The following CTNS variants were observed in gnomAD, a reference collection of about 807,000 sequenced individuals.
CTNS encodes cystinosin.
Under a neutral mutation model 43.7 loss-of-function variants are expected in CTNS, and 27 were observed. That is an observed-to-expected ratio of 0.62 (90% CI 0.46 to 0.85). The LOEUF is 0.85. CTNS is among the 40% of genes least tolerant of loss of function. The pLI, the probability that CTNS is intolerant of heterozygous loss-of-function variation, is 0.00. For missense variants in CTNS, 457 were observed against 475.4 expected (o/e 0.96, Z 0.36); for synonymous variants, 187 against 190.6 (o/e 0.98, Z 0.16).
At position 3,657,959 on chromosome 17, in the gene CTNS, G is replaced by A. The variant is rs367918712; in HGVS notation, c.682-46G>A. 239 of 1,600,234 alleles carry A rather than the reference G, an allele frequency of 1.5e-4. 1 individual carries two copies. Among genetic ancestry groups the A allele is most frequent in the Middle Eastern group, 2.3e-4 (1 of 4,430 alleles). Reference sequence around the variant, plus strand: ...GGGGCCGTCCTTGCTCAGCCCCGGCGTGGCCTCTGTGTGGGTCCACATCTC... The same window carrying A: ...GGGGCCGTCCTTGCTCAGCCCCGGCATGGCCTCTGTGTGGGTCCACATCTC... On this transcript the variant is annotated intron_variant, in intron 9 of 11. Transcript: ENST00000046640.
In CTNS at chr17:3,660,451, T is replaced by A; in HGVS notation, c.*82T>A. ...CACCCAGCGAAGGCCGGAGAAGCGG[T>A]TGGGCCCTGGCACACAGGGCTGGCT... On this transcript the variant is annotated 3_prime_UTR_variant, in exon 12 of 12. Transcript: ENST00000046640. 1 of 1,613,442 alleles carries A rather than the reference T, an allele frequency of 6.2e-7. No homozygotes were observed. Among genetic ancestry groups the A allele is most frequent in the Non-Finnish European group, 8.5e-7 (1 of 1,180,022 alleles).
intron 5 of CTNS, among the ~76,000 whole-genome samples, chr17:3,650,882 A>C (rs2075964893): frequency 6.6e-6 from 1 of 152,124 alleles, no homozygotes; most frequent in African/African-American, 2.4e-5. Context: ...AGCTCCCTGC[A>C]ACCTCTGCCT....
chr17:3,651,983 G>GAA (rs56804333), intron 5 of CTNS, among the ~76,000 whole-genome samples: 1 of 141,282 alleles, frequency 7.1e-6, no homozygotes, highest in Non-Finnish European at 1.5e-5. Flanking sequence ...CAAAAAAAAA[G>GAA]AAAAGAAAAG....
chr17:3,659,141 A>G (rs2076225799), intron 10 of CTNS, among the ~76,000 whole-genome samples: 1 of 152,080 alleles, frequency 6.6e-6, no homozygotes, highest in African/African-American at 2.4e-5. Context: ...ACAGACAGGG[A>G]CTGACTAGAG....
intron 2 of CTNS, 146 bp from the exon 3 acceptor site, chr17:3,640,040 CTG>C: frequency 2.8e-6 from 2 of 710,712 alleles, no homozygotes; most frequent in South Asian, 3.0e-5. Flanking sequence ...GGGTGTCCCT[CTG>C]AGGCCGTGAT....
At chr17:3,637,700 CAG>C (rs1389160367) in intron 2 of CTNS, among the ~76,000 whole-genome samples, 1 of 152,188 alleles carries the variant, frequency 6.6e-6, no homozygotes, top group Non-Finnish European at 1.5e-5. Context: ...CTCCTGACCT[CAG>C]GTGATGCGCT....
At chr17:3,644,837 G>A (rs891412141) in intron 3 of CTNS, among the ~76,000 whole-genome samples, 2 of 152,096 alleles carry the variant, frequency 1.3e-5, no homozygotes, top group African/African-American at 4.8e-5. Context: ...CTGACCTCAG[G>A]TGATCCACCT....
rs149689304 is a variant in CTNS, at chr17:3,655,223, C to G, written c.332C>G (p.Pro111Arg). ...LHGNHSNQTGPRIRFLVIRSS... is the reference protein window; with the variant it reads ...LHGNHSNQTGRRIRFLVIRSS... ...CCGGTCCCCAAACTCCTTTCCAGCC[C>G]GAGGATACGCTTTCTTGTGATCCGC... Residue 111 changes from proline (P) to arginine (R), a missense_variant and splice_region_variant, in exon 7 of 12, where the codon CCG (proline) becomes CGG (arginine). Pro to Arg is a moderately radical substitution (Grantham distance 103). Coordinates refer to ENST00000046640, the MANE Select transcript of CTNS (RefSeq NM_004937.3). 9.3e-6 allele frequency: 15 copies of G among 1,614,162 alleles called. No homozygotes were observed. Among genetic ancestry groups the G allele is most frequent in the Non-Finnish European group, 1.3e-5 (15 of 1,180,032 alleles).
chr17:3,649,008 C>A, intron 5 of CTNS, 77 bp downstream of exon 5: 1 of 1,268,912 alleles, frequency 7.9e-7, no homozygotes, highest in Non-Finnish European at 1.2e-6. Context: ...CTGGTGGAAA[C>A]AGGTCTCCTA....
At position 3,660,495 on chromosome 17, in the gene CTNS, GACC is replaced by G; in HGVS notation, c.*129_*131del. 1 of 1,612,524 alleles carries G rather than the reference GACC, an allele frequency of 6.2e-7. No homozygotes were observed. Among genetic ancestry groups the G allele is most frequent in the Non-Finnish European group, 8.5e-7 (1 of 1,179,946 alleles). On this transcript the variant is annotated 3_prime_UTR_variant, in exon 12 of 12. Transcript: ENST00000046640. ...GCTGGCTCAGTGTGCGGACAGAGGA[GACC>G]ACTCTGCTCCTGGGGCCAGAGGCCA...
At chr17:3,643,186 C>A (rs930158921) in intron 3 of CTNS, among the ~76,000 whole-genome samples, 1 of 151,832 alleles carries the variant, frequency 6.6e-6, no homozygotes, top group African/African-American at 2.4e-5. Context: ...TGGTGGCGGG[C>A]GCCTATAGTC....
Position 3,662,041 on chromosome 17 carries a change from T to C in CTNS, c.*1672T>C, listed in dbSNP as rs934801298. Among the ~76,000 whole-genome samples the C allele has an allele frequency of 1.5e-4, 23 of 152,204 alleles. No individual in the cohort carries two copies. Among genetic ancestry groups the C allele is most frequent in the African/African-American group, 5.3e-4 (22 of 41,448 alleles). ...GATTGACTTTTCCGGCTGAGTGCGG[T>C]GGCTCACGCCTGTAATCCCAGCACT... On this transcript the variant is annotated 3_prime_UTR_variant, in exon 12 of 12. Coordinates refer to ENST00000046640, the MANE Select transcript of CTNS (RefSeq NM_004937.3).
At chr17:3,647,617 G>A in intron 4 of CTNS, 95 bp downstream of exon 4, 1 of 1,101,546 alleles carries the variant, frequency 9.1e-7, no homozygotes. Context: ...GATTTCAGAT[G>A]CGCTATTCTT....
Position 3,653,207 on chromosome 17 carries a change from A to T in CTNS, c.226-1791A>T, listed in dbSNP as rs190399724. On this transcript the variant is annotated intron_variant, in intron 5 of 11. Coordinates refer to ENST00000046640, the MANE Select transcript of CTNS (RefSeq NM_004937.3). ...CGGGTGGATCACCTGAGGTCAGAAG[A>T]TCGAGACCAGCCTGGCCAACATGGC... Among the ~76,000 whole-genome samples, 21 of 152,116 alleles carry T rather than the reference A, an allele frequency of 1.4e-4. No individual in the cohort carries two copies. The East Asian group carries it at 3.7e-3, about 27-fold the overall frequency.
chr17:3,648,714 C>T (rs2075903619), intron 4 of CTNS, 133 bp from the exon 5 acceptor site: 13 of 776,468 alleles, frequency 1.7e-5, no homozygotes, highest in Non-Finnish European at 3.0e-5. Flanking sequence ...CCTGGCTACC[C>T]ATCAGGGTGG....
intron 7 of CTNS, 45 bp downstream of exon 7, chr17:3,655,397 G>C (rs781060446): frequency 6.2e-7 from 1 of 1,612,246 alleles, no homozygotes; most frequent in Non-Finnish European, 8.5e-7. Flanking sequence ...GGGCCCCTAG[G>C]AGCAGGGCGT....
rs758087826 is a variant in CTNS at position 3,640,237 on chromosome 17, C to T, written c.31C>T (p.Leu11Phe). Residue 11 changes from leucine to phenylalanine, a missense_variant, in exon 3 of 12, where the codon CTT becomes TTT. Transcript: ENST00000046640. ...AAGGAATTGGCTGACTATTTTTATC[C>T]TTTTTCCCCTGAAGCTCGTAGAGAA... The part of the protein sequence containing the change: MIRNWLTIFI[L>F]FPLKLVEKCE... 5.0e-6 allele frequency: 8 copies of T among 1,614,050 alleles called. No individual in the cohort carries two copies. The highest frequency in any genetic ancestry group is 1.1e-5 in the South Asian group (1 of 91,072).
intron 7 of CTNS, 61 bp from the exon 8 acceptor site, chr17:3,656,426 T>C: frequency 4.3e-6 from 3 of 692,974 alleles, no homozygotes; most frequent in Non-Finnish European, 6.2e-6. Flanking sequence ...CCCTCTGCCC[T>C]GTCCCTCCAC....
At chr17:3,658,328 G>A (rs1449080874) in intron 10 of CTNS, among the ~76,000 whole-genome samples, 153 bp downstream of exon 10, 1 of 152,182 alleles carries the variant, frequency 6.6e-6, no homozygotes, top group East Asian at 1.9e-4. Flanking sequence ...CGGGGCGGTG[G>A]GGAGGCCAGC....
Sources: allele counts gnomAD v4.1 joint callset (sites outside exome capture counted in the v4.1 genomes callset), GRCh38; gene constraint gnomAD v4.1.1; transcripts MANE v1.5; gene names NCBI Gene and HGNC (gene_info 2026-07-23, HGNC 2026-07-21).